BRWD3: variants seen among roughly 807,000 people sequenced by gnomAD.
The protein encoded by BRWD3 is bromodomain and WD repeat-containing protein 3.
A neutral mutation model predicts 149.7 loss-of-function variants in BRWD3; 10 were observed. That is an observed-to-expected ratio of 0.07 (90% CI 0.04 to 0.11). The LOEUF (loss-of-function observed/expected upper bound fraction) is 0.11, where lower values mean the gene tolerates loss of function less well. BRWD3 is among the 10% of genes least tolerant of loss of function. BRWD3 has a pLI of 1.00. For missense variants in BRWD3, 940 were observed against 1,373.2 expected, an observed-to-expected ratio of 0.68 and a Z score of 4.99; for synonymous variants, 504 against 456.7, an observed-to-expected ratio of 1.10 and a Z score of -1.32.
At chrX:80,725,660 G>A (rs2073207017) in intron 14 of BRWD3, among the ~76,000 whole-genome samples, 1 of 111,874 alleles carries the variant, frequency 8.9e-6, no homozygotes, top group Non-Finnish European at 1.9e-5. Context: ...GTTTACATGT[G>A]TTACATGCCT....
chrX:80,727,017 G>A (rs982469106), intron 14 of BRWD3, among the ~76,000 whole-genome samples: 13 of 109,970 alleles, frequency 1.2e-4, no homozygotes, highest in Admixed American at 1.9e-4. Flanking sequence ...TGAAGCTGGG[G>A]ATTTTCATTT....
chrX:80,730,389 AAAAGAAAGAAAGAAAGAAAGAAAG>A (rs56311451), intron 12 of BRWD3, among the ~76,000 whole-genome samples: 22 of 77,671 alleles, frequency 2.8e-4, no homozygotes, highest in South Asian at 8.0e-4. Flanking sequence ...ATTATTTAGC[AAAAGAAAGAAAGAAAGAAAGAAAG>A]AAAGAAAGAA....
chrX:80,793,541 G>A, intron 5 of BRWD3, 81 bp downstream of exon 5: 1 of 1,000,095 alleles, frequency 1.0e-6, no homozygotes, highest in Non-Finnish European at 1.4e-6. Flanking sequence ...AGAAAAGCAT[G>A]GGAACATTTA....
intron 6 of BRWD3, among the ~76,000 whole-genome samples, chrX:80,751,032 T>C (rs1348470945): frequency 1.8e-5 from 2 of 111,069 alleles, no homozygotes; most frequent in Non-Finnish European, 3.8e-5. Flanking sequence ...ATCATTTATG[T>C]AGAAGCTAAA....
intron 5 of BRWD3, among the ~76,000 whole-genome samples, chrX:80,793,264 C>T (rs1437755221): frequency 9.5e-6 from 1 of 105,422 alleles, no homozygotes; most frequent in African/African-American, 3.4e-5. Context: ...TTACCTGTTA[C>T]GAAAAGTACA....
intron 18 of BRWD3, among the ~76,000 whole-genome samples, 188 bp from the exon 19 acceptor site, chrX:80,717,947 T>C (rs982682675): frequency 2.9e-4 from 33 of 112,070 alleles, no homozygotes; most frequent in Admixed American, 1.3e-3. Context: ...GGCACTCTTA[T>C]TGAGAAATGT....
At chrX:80,704,283 T>G (rs1469006193) in intron 23 of BRWD3, among the ~76,000 whole-genome samples, 1 of 111,202 alleles carries the variant, frequency 9.0e-6, no homozygotes, top group Non-Finnish European at 1.9e-5. Context: ...GGGAGAGTCC[T>G]ATACAATTTA....
chrX:80,712,673 T>C (rs867643271), intron 20 of BRWD3, among the ~76,000 whole-genome samples: 1 of 108,041 alleles, frequency 9.3e-6, no homozygotes, highest in Non-Finnish European at 1.9e-5. Flanking sequence ...GGAGCGTCTC[T>C]GCCCAGCCGC....
intron 6 of BRWD3, among the ~76,000 whole-genome samples, chrX:80,782,830 G>A (rs7061262): frequency 0.019 from 2,146 of 110,421 alleles, 57 homozygotes; most frequent in African/African-American, 0.067. Context: ...CTAGGAGTTC[G>A]TGGCTGCAGT....
chrX:80,739,082 C>T (rs981462707), intron 8 of BRWD3, among the ~76,000 whole-genome samples: 3 of 111,583 alleles, frequency 2.7e-5, no homozygotes, highest in East Asian at 2.8e-4. Context: ...GCAGGCAGAT[C>T]GGTTAGAAGT....
intron 6 of BRWD3, among the ~76,000 whole-genome samples, chrX:80,754,994 C>T (rs1047941687): frequency 4.5e-5 from 5 of 110,537 alleles, no homozygotes; most frequent in Admixed American, 9.7e-5. Context: ...GGCAACAGAG[C>T]GAAACTCCGT....
intron 24 of BRWD3, among the ~76,000 whole-genome samples, chrX:80,702,091 G>C (rs1386954604): frequency 8.9e-6 from 1 of 111,890 alleles, no homozygotes; most frequent in Non-Finnish European, 1.9e-5. Flanking sequence ...GGATATCTAG[G>C]CAAGACAATG....
chrX:80,721,225 A>G (rs972866256), intron 17 of BRWD3, among the ~76,000 whole-genome samples: 4 of 112,136 alleles, frequency 3.6e-5, no homozygotes, highest in African/African-American at 1.3e-4. Flanking sequence ...CTTGTCCTCT[A>G]GTCAGATTTG....
At chrX:80,733,930 T>C (rs1038966018) in intron 11 of BRWD3, among the ~76,000 whole-genome samples, 188 bp downstream of exon 11, 13 of 111,684 alleles carry the variant, frequency 1.2e-4, no homozygotes, top group Non-Finnish European at 3.8e-5. Context: ...AATCTATAGG[T>C]AATCTTCTTT....
intron 6 of BRWD3, among the ~76,000 whole-genome samples, chrX:80,791,091 CCT>C (rs1325071674): frequency 8.9e-6 from 1 of 112,068 alleles, no homozygotes; most frequent in Non-Finnish European, 1.9e-5. Flanking sequence ...ATTTACTTAA[CCT>C]CTGAGGCTAA....
intron 14 of BRWD3, among the ~76,000 whole-genome samples, chrX:80,728,025 T>C (rs930432258): frequency 8.9e-6 from 1 of 112,026 alleles, no homozygotes; most frequent in African/African-American, 3.2e-5. Context: ...ATCCCTCTGA[T>C]ACATAAACAC....
chrX:80,694,774 G>A (rs1403785062), intron 27 of BRWD3, among the ~76,000 whole-genome samples: 3 of 111,381 alleles, frequency 2.7e-5, no homozygotes, highest in Non-Finnish European at 1.9e-5. Flanking sequence ...TACCCCCACT[G>A]TATCTAGCAA....
chrX:80,714,344 G>A (rs1206101113), intron 20 of BRWD3, among the ~76,000 whole-genome samples: 1 of 105,289 alleles, frequency 9.5e-6, no homozygotes, highest in Non-Finnish European at 1.9e-5. Flanking sequence ...TCTCCTGCCT[G>A]CCTCAGCCTC....
intron 20 of BRWD3, among the ~76,000 whole-genome samples, chrX:80,712,646 C>A (rs2072995532): frequency 9.3e-6 from 1 of 108,024 alleles, no homozygotes. Context: ...TGCCTGGCTG[C>A]CCAGTCTGGA....
Sources: allele counts gnomAD v4.1 joint callset (sites outside exome capture counted in the v4.1 genomes callset), GRCh38; gene constraint gnomAD v4.1.1; transcripts MANE v1.5; gene names NCBI Gene and HGNC (gene_info 2026-07-23, HGNC 2026-07-21).